YIF1B: variants seen among roughly 807,000 people sequenced by gnomAD.
YIF1B encodes Yip1 interacting factor homolog B, membrane trafficking protein.
A neutral mutation model predicts 34.6 loss-of-function variants in YIF1B; 24 were observed. The ratio of observed to expected loss-of-function variants is 0.69; its 90% CI spans 0.50 to 0.98. The LOEUF (loss-of-function observed/expected upper bound fraction) is 0.98, where lower values mean the gene tolerates loss of function less well. Ranked by LOEUF, YIF1B falls within the 50% of genes least tolerant of loss-of-function variation. YIF1B has a pLI of 0.00. For missense variants in YIF1B, 368 were observed against 429.4 expected (o/e 0.86, Z 1.26); for synonymous variants, 186 against 184.8 (o/e 1.01, Z -0.05).
chr19:38,304,729 C>T lies in YIF1B; in HGVS notation c.*623G>A, dbSNP rs779906080. The T allele has an allele frequency of 3.7e-6, 6 of 1,613,006 alleles. No individual in the cohort carries two copies. In the African/African-American group the frequency reaches 5.3e-5, roughly 14 times the overall value. The stretch of plus-strand genomic sequence containing the variant: ...GCGTCCCCAAGCACGTGCCCTGCAC[C>T]CCAGAGAGGCGTCCCCGCACTGGGG... On this transcript the variant is annotated 3_prime_UTR_variant, in exon 8 of 8. Transcript: ENST00000339413.
chr19:38,316,686 T>G (rs1054874807), upstream of YIF1B, among the ~76,000 whole-genome samples: 1 of 152,156 alleles, frequency 6.6e-6, no homozygotes. Context: ...CCCTTAGGTA[T>G]TAAAGTAAAT....
chr19:38,305,606 C>A, intron 7 of YIF1B, 99 bp from the exon 8 acceptor site: 1 of 1,439,474 alleles, frequency 6.9e-7, no homozygotes, highest in Non-Finnish European at 9.2e-7. Context: ...CCTAGAAGCC[C>A]CAGGCAGCTG....
At chr19:38,311,630 G>A (rs113093295) in intron 1 of YIF1B, among the ~76,000 whole-genome samples, 4 of 152,316 alleles carry the variant, frequency 2.6e-5, no homozygotes, top group Middle Eastern at 3.4e-3. Context: ...GTGGCCTCAC[G>A]TGGGGAACAG....
Position 38,307,526 on chromosome 19 carries a change from G to A in YIF1B, c.696-5C>T, listed in dbSNP as rs1178065045. On this transcript the variant is annotated splice_region_variant and splice_polypyrimidine_tract_variant and intron_variant, in intron 6 of 7. Transcript: ENST00000339413. Reference sequence around the variant, plus strand: ...ATGAGGACCCCGCCAATCATCCTGGGGGAGGGAGAGGAGGCTGTGTGAGGA... The same window carrying A: ...ATGAGGACCCCGCCAATCATCCTGGAGGAGGGAGAGGAGGCTGTGTGAGGA... The A allele has an allele frequency of 1.2e-6, 2 of 1,613,790 alleles. No homozygotes were observed. The highest frequency in any genetic ancestry group is 8.5e-7 in the Non-Finnish European group (1 of 1,180,026).
In YIF1B at chr19:38,305,283, G is replaced by C; in HGVS notation, c.*69C>G. 1.3e-6 allele frequency: 2 copies of C among 1,553,670 alleles called. No individual in the cohort carries two copies. Among genetic ancestry groups the C allele is most frequent in the Non-Finnish European group, 8.7e-7 (1 of 1,148,742 alleles). ...GGGTGGACCTTGGGGCCTGCAGGCA[G>C]GAGATGAGTTCGGCGGCCACAGTGG... On this transcript the variant is annotated 3_prime_UTR_variant, in exon 8 of 8. Coordinates refer to ENST00000339413, the MANE Select transcript of YIF1B (RefSeq NM_001039672.3).
chr19:38,319,972 G>T, upstream of YIF1B: 1 of 1,463,926 alleles, frequency 6.8e-7, no homozygotes, highest in Non-Finnish European at 8.9e-7. Flanking sequence ...CGCGCTTCTG[G>T]CGGGCGCCTT....
chr19:38,309,167 C>G (rs971540132), intron 3 of YIF1B, 57 bp downstream of exon 3: 1 of 1,597,858 alleles, frequency 6.3e-7, no homozygotes, highest in Non-Finnish European at 8.5e-7. Context: ...CACCTGCCCC[C>G]ACCCCTGAGC....
upstream of YIF1B, chr19:38,316,038 C>T (rs1969537494): frequency 7.7e-7 from 1 of 1,304,282 alleles, no homozygotes; most frequent in Non-Finnish European, 9.8e-7. Context: ...TCGCCCCCAC[C>T]CCCCCGACCC....
upstream of YIF1B, chr19:38,319,953 G>A: frequency 1.4e-6 from 2 of 1,447,516 alleles, no homozygotes; most frequent in East Asian, 2.9e-5. Context: ...TGGGTGCCAT[G>A]CGGAGGGGCG....
chr19:38,321,670 G>A (rs887861532), upstream of YIF1B, among the ~76,000 whole-genome samples: 2 of 152,196 alleles, frequency 1.3e-5, no homozygotes, highest in Admixed American at 1.3e-4. Context: ...CTCCTAACTC[G>A]CCCTCCCGGC....
chr19:38,312,705 ACC>A (rs1969372250), intron 1 of YIF1B, among the ~76,000 whole-genome samples: 1 of 151,864 alleles, frequency 6.6e-6, no homozygotes, highest in East Asian at 1.9e-4. Context: ...CTTTCTCTGC[ACC>A]TGGATGTTCT....
At chr19:38,305,648 G>C (rs992365699) in intron 7 of YIF1B, 141 bp from the exon 8 acceptor site, 3 of 1,271,306 alleles carry the variant, frequency 2.4e-6, no homozygotes, top group Non-Finnish European at 2.1e-6. Flanking sequence ...GCAGCCTCAG[G>C]TTTCTGCTCC....
chr19:38,305,513 T>A lies in YIF1B; in HGVS notation c.790-6A>T. 1.3e-6 allele frequency: 2 copies of A among 1,596,606 alleles called. No individual in the cohort carries two copies. Among genetic ancestry groups the A allele is most frequent in the East Asian group, 4.5e-5 (2 of 44,328 alleles). ...TTCAGCCGCAGCGTCCGGATCTGGGTGGGAAAGAGAGAGAGGAACCAAGGG... is the reference window on the plus strand; with the variant it reads ...TTCAGCCGCAGCGTCCGGATCTGGGAGGGAAAGAGAGAGAGGAACCAAGGG... On this transcript the variant is annotated splice_region_variant and splice_polypyrimidine_tract_variant and intron_variant, in intron 7 of 7. Coordinates refer to ENST00000339413, the MANE Select transcript of YIF1B (RefSeq NM_001039672.3).
chr19:38,307,385 G>A, intron 7 of YIF1B, 43 bp downstream of exon 7: 5 of 1,602,486 alleles, frequency 3.1e-6, no homozygotes, highest in Non-Finnish European at 4.3e-6. Context: ...GATGCCTCCG[G>A]GGCACCTGTG....
intron 1 of YIF1B, among the ~76,000 whole-genome samples, chr19:38,311,667 A>G (rs1969331052): frequency 1.3e-5 from 2 of 152,128 alleles, no homozygotes; most frequent in Non-Finnish European, 2.9e-5. Flanking sequence ...GAAGGGAGAG[A>G]GGCTGCTGGG....
intron 7 of YIF1B, among the ~76,000 whole-genome samples, chr19:38,305,928 G>T (rs1969004427): frequency 6.8e-6 from 1 of 147,404 alleles, no homozygotes; most frequent in African/African-American, 2.4e-5. Context: ...CTCTGGCCTG[G>T]TGCGTTGGCT....
chr19:38,307,279 G>A lies in YIF1B; in HGVS notation c.789+149C>T, dbSNP rs1969093088. 4 of 802,730 alleles carry A rather than the reference G, an allele frequency of 5.0e-6. No individual in the cohort carries two copies. The Admixed American group carries it at 7.3e-5, about 15-fold the overall frequency. 49.7% of individuals were successfully genotyped at this position (802,730 alleles called of 1,614,324 possible). On this transcript the variant is annotated intron_variant, in intron 7 of 7. Coordinates refer to ENST00000339413, the MANE Select transcript of YIF1B (RefSeq NM_001039672.3). ...ACCCCCTCTTCCAGGAAGCCCTCCTGACCCCCCAGGCCGGGCAGCCACTCC... is the reference window on the plus strand; with the variant it reads ...ACCCCCTCTTCCAGGAAGCCCTCCTAACCCCCCAGGCCGGGCAGCCACTCC...
upstream of YIF1B, chr19:38,316,052 C>T (rs1969538973): frequency 2.4e-6 from 3 of 1,262,958 alleles, no homozygotes; most frequent in African/African-American, 4.7e-5. Context: ...CCGACCCCTC[C>T]AGCCCCCCCC....
rs763258267 is a variant in YIF1B at position 38,304,925 on chromosome 19, C to T, written c.*427G>A. The T allele has an allele frequency of 7.4e-6, 12 of 1,612,366 alleles. No homozygotes were observed. The highest frequency in any genetic ancestry group is 1.3e-5 in the African/African-American group (1 of 74,886). Reference sequence around the variant, plus strand: ...CCAAAGTGAAGAAGAAGGAGAAGGGCAAGAAGGAGAAGGGCAAGAAGAAGG... The same window carrying T: ...CCAAAGTGAAGAAGAAGGAGAAGGGTAAGAAGGAGAAGGGCAAGAAGAAGG... On this transcript the variant is annotated 3_prime_UTR_variant, in exon 8 of 8. Transcript: ENST00000339413.
Sources: gnomAD v4.1 joint callset for allele counts (sites outside exome capture counted in the v4.1 genomes callset) on GRCh38, gnomAD v4.1.1 for gene constraint, MANE v1.5 for transcripts, NCBI Gene and HGNC (gene_info 2026-07-23, HGNC 2026-07-21) for gene names.